Variants in CSRNP3 observed in about 807,000 individuals in gnomAD.
CSRNP3 encodes the protein cysteine and serine rich nuclear protein 3.
CSRNP3 carries 12 observed loss-of-function variants against 48.0 expected under a neutral mutation model. That is an observed-to-expected ratio of 0.25 (90% CI 0.16 to 0.41). The LOEUF is 0.41. Ranked by LOEUF, CSRNP3 falls within the 10% of genes least tolerant of loss-of-function variation. The probability of loss-of-function intolerance (pLI) is 1.00; values close to 1 mark genes in which losing one functional copy is unlikely to be tolerated. For synonymous variants in CSRNP3, 263 were observed against 269.7 expected (o/e 0.98, Z 0.24); for missense variants, 580 against 724.4 (o/e 0.80, Z 2.29).
chr2:165,476,649 G>A (rs182555028), intron 1 of CSRNP3, among the ~76,000 whole-genome samples: 1 of 152,334 alleles, frequency 6.6e-6, no homozygotes, highest in East Asian at 1.9e-4. Context: ...GGTAGTGCAG[G>A]ATAATCATTG....
At chr2:165,525,488 C>CTTTT (rs766376805) in intron 3 of CSRNP3, among the ~76,000 whole-genome samples, 5 of 133,896 alleles carry the variant, frequency 3.7e-5, no homozygotes, top group Non-Finnish European at 4.9e-5. Context: ...TCTTCTTCTT[C>CTTTT]TTTTTTTTTT....
chr2:165,563,135 T>C (rs1685255325), intron 3 of CSRNP3, among the ~76,000 whole-genome samples: 1 of 152,214 alleles, frequency 6.6e-6, no homozygotes, highest in African/African-American at 2.4e-5. Flanking sequence ...GGAAACACTA[T>C]GTAATGACTG....
chr2:165,640,905 A>G (rs1351483357), intron 4 of CSRNP3, among the ~76,000 whole-genome samples: 2 of 152,210 alleles, frequency 1.3e-5, no homozygotes, highest in East Asian at 3.8e-4. Flanking sequence ...TATTTAAACT[A>G]TGATCGTGCT....
chr2:165,558,242 G>T (rs1685186701), intron 3 of CSRNP3, among the ~76,000 whole-genome samples: 1 of 152,124 alleles, frequency 6.6e-6, no homozygotes, highest in African/African-American at 2.4e-5. Context: ...ATGTCCTTGG[G>T]TATACTCTAC....
chr2:165,676,638 G>T (rs942290744), intron 6 of CSRNP3, 30 bp downstream of exon 6: 1 of 1,598,188 alleles, frequency 6.3e-7, no homozygotes, highest in African/African-American at 1.3e-5. Context: ...GGCATCCAAA[G>T]ACAAGACATT....
intron 3 of CSRNP3, among the ~76,000 whole-genome samples, chr2:165,593,599 C>A (rs577816779): frequency 2.0e-5 from 3 of 152,234 alleles, no homozygotes; most frequent in South Asian, 4.1e-4. Context: ...GCTCTGTGAT[C>A]TGCACAGAAA....
chr2:165,579,102 C>G (rs1685499484), intron 3 of CSRNP3, among the ~76,000 whole-genome samples: 1 of 152,110 alleles, frequency 6.6e-6, no homozygotes, highest in Non-Finnish European at 1.5e-5. Context: ...GCTGATGAGG[C>G]AAGTTCAGCT....
At chr2:165,608,321 A>G (rs964998315) in intron 4 of CSRNP3, among the ~76,000 whole-genome samples, 1 of 152,072 alleles carries the variant, frequency 6.6e-6, no homozygotes, top group Non-Finnish European at 1.5e-5. Context: ...TTCCACTGAC[A>G]ATGAAACAAA....
chr2:165,608,552 T>A (rs2105307675), intron 4 of CSRNP3, among the ~76,000 whole-genome samples: 1 of 152,326 alleles, frequency 6.6e-6, no homozygotes, highest in South Asian at 2.1e-4. Flanking sequence ...TTTATAAACC[T>A]TAATATCTAC....
chr2:165,476,423 AG>A (rs1335880798), intron 1 of CSRNP3, among the ~76,000 whole-genome samples: 1 of 152,256 alleles, frequency 6.6e-6, no homozygotes, highest in Non-Finnish European at 1.5e-5. Flanking sequence ...AATAACCAAA[AG>A]AATAACGAAT....
chr2:165,573,807 C>A (rs898988618), intron 3 of CSRNP3, among the ~76,000 whole-genome samples: 2 of 152,050 alleles, frequency 1.3e-5, no homozygotes, highest in African/African-American at 4.8e-5. Flanking sequence ...AAGAAATACC[C>A]CATGTGCCTG....
At chr2:165,540,146 A>G (rs372953493) in intron 3 of CSRNP3, among the ~76,000 whole-genome samples, 12 of 152,256 alleles carry the variant, frequency 7.9e-5, no homozygotes, top group African/African-American at 2.9e-4. Context: ...GGTGTTGGCA[A>G]GCAACCAGTT....
chr2:165,482,006 T>C (rs2105449292), intron 1 of CSRNP3, among the ~76,000 whole-genome samples: 1 of 152,062 alleles, frequency 6.6e-6, no homozygotes, highest in Non-Finnish European at 1.5e-5. Flanking sequence ...GATGGGACCA[T>C]GCATACACCA....
chr2:165,622,020 G>A (rs1686349024), intron 4 of CSRNP3, among the ~76,000 whole-genome samples: 1 of 151,810 alleles, frequency 6.6e-6, no homozygotes, highest in South Asian at 2.1e-4. Flanking sequence ...CTTTGAGCTG[G>A]TCTCTTTATT....
At chr2:165,540,035 T>A (rs1270905763) in intron 3 of CSRNP3, among the ~76,000 whole-genome samples, 1 of 152,132 alleles carries the variant, frequency 6.6e-6, no homozygotes, top group East Asian at 1.9e-4. Context: ...TGACCTGTAG[T>A]CCATCCCCAA....
intron 4 of CSRNP3, among the ~76,000 whole-genome samples, chr2:165,608,951 A>G (rs1442013011): frequency 6.8e-6 from 1 of 147,344 alleles, no homozygotes; most frequent in African/African-American, 2.5e-5. Context: ...AAAAAAAAAA[A>G]AAAAAATTAG....
chr2:165,547,407 A>G (rs945947795), intron 3 of CSRNP3, among the ~76,000 whole-genome samples: 1 of 152,090 alleles, frequency 6.6e-6, no homozygotes, highest in African/African-American at 2.4e-5. Flanking sequence ...TGATGTAGAC[A>G]AGAGCCTGCT....
intron 4 of CSRNP3, among the ~76,000 whole-genome samples, chr2:165,627,575 T>G (rs6731050): frequency 6.6e-6 from 1 of 151,942 alleles, no homozygotes; most frequent in African/African-American, 2.4e-5. Flanking sequence ...ATTGCATCCA[T>G]TCTTCTCCCC....
chr2:165,532,676 T>A (rs2105245071), intron 3 of CSRNP3, among the ~76,000 whole-genome samples: 1 of 152,024 alleles, frequency 6.6e-6, no homozygotes, highest in Non-Finnish European at 1.5e-5. Context: ...CTCTCACCGC[T>A]CCTATTCAAC....
Sources: gnomAD v4.1 joint callset for allele counts (sites outside exome capture counted in the v4.1 genomes callset) on GRCh38, gnomAD v4.1.1 for gene constraint, MANE v1.5 for transcripts, NCBI Gene and HGNC (gene_info 2026-07-23, HGNC 2026-07-21) for gene names.